Variants in TBCEL observed in about 807,000 individuals in gnomAD.
The protein encoded by TBCEL is tubulin-specific chaperone cofactor E-like protein.
A neutral mutation model predicts 44.2 loss-of-function variants in TBCEL; 15 were observed. The observed-to-expected ratio is 0.34, with a 90% CI of 0.23 to 0.52. The LOEUF (loss-of-function observed/expected upper bound fraction) is 0.52. Among genes scored for constraint, TBCEL ranks in the 20% least tolerant of loss-of-function variants. The pLI is 0.95. For missense variants in TBCEL, 319 were observed against 506.3 expected (o/e 0.63, Z 3.55); for synonymous variants, 171 against 185.4 (o/e 0.92, Z 0.63).
intron 8 of TBCEL, among the ~76,000 whole-genome samples, chr11:121,072,006 T>C (rs889237687): frequency 6.6e-6 from 1 of 152,140 alleles, no homozygotes; most frequent in Non-Finnish European, 1.5e-5. Context: ...ACTCCTCACA[T>C]TCAGCCGTGA....
At chr11:121,058,196 T>G (rs1205037530) in intron 6 of TBCEL, 149 bp from the exon 7 acceptor site, 2 of 940,284 alleles carry the variant, frequency 2.1e-6, no homozygotes, top group Non-Finnish European at 3.1e-6. Context: ...GTTCTGCTCT[T>G]GCCTTGGATG....
intron 8 of TBCEL, among the ~76,000 whole-genome samples, chr11:121,078,624 A>G (rs570346902): frequency 5.9e-5 from 9 of 152,192 alleles, no homozygotes; most frequent in African/African-American, 1.7e-4. Flanking sequence ...TCCTCATTTC[A>G]TGCACAGCCT....
At chr11:121,046,587 A>AT (rs529312538) in intron 3 of TBCEL, among the ~76,000 whole-genome samples, 5 of 150,090 alleles carry the variant, frequency 3.3e-5, no homozygotes, top group African/African-American at 7.3e-5. Flanking sequence ...TTACTTGGTA[A>AT]TTTTTTTTTT....
intron 6 of TBCEL, among the ~76,000 whole-genome samples, chr11:121,056,081 C>T (rs1945615133): frequency 1.3e-5 from 2 of 151,902 alleles, no homozygotes; most frequent in African/African-American, 4.8e-5. Context: ...CATGTATCCA[C>T]CATTGTAGTA....
At chr11:121,028,746 TAACA>T (rs1255652423) in intron 1 of TBCEL, among the ~76,000 whole-genome samples, 11 of 152,230 alleles carry the variant, frequency 7.2e-5, no homozygotes, top group African/African-American at 2.4e-4. Flanking sequence ...CAGTCATTGT[TAACA>T]AACAAATTGC....
chr11:121,050,244 A>T (rs2134934534), intron 4 of TBCEL, among the ~76,000 whole-genome samples: 1 of 151,822 alleles, frequency 6.6e-6, no homozygotes, highest in Non-Finnish European at 1.5e-5. Flanking sequence ...ACCCCATTAT[A>T]ACCCATATAT....
Position 121,053,470 on chromosome 11 carries a change from T to C in TBCEL, c.274-81T>C. ...AATGGCCCTTTGCCTGGAGACCAGC[T>C]CCTCTAGGCTTTCTTGAGCATGATT... On this transcript the variant is annotated intron_variant, in intron 4 of 8. Coordinates refer to ENST00000683345, the MANE Select transcript of TBCEL (RefSeq NM_001363644.2). 7.5e-6 allele frequency: 10 copies of C among 1,338,260 alleles called. No individual in the cohort carries two copies. The South Asian group carries it at 1.2e-4, about 16-fold the overall frequency. The allele number at this position is 1,338,260 out of a possible 1,614,324, so 82.9% of individuals were successfully genotyped here.
intron 7 of TBCEL, among the ~76,000 whole-genome samples, chr11:121,059,706 G>A (rs1379364749): frequency 6.6e-6 from 1 of 151,956 alleles, no homozygotes; most frequent in Non-Finnish European, 1.5e-5. Flanking sequence ...ATTAATGTAA[G>A]TTGGACAGTG....
chr11:121,057,371 T>C (rs1206357214), intron 6 of TBCEL: 1 of 291,738 alleles, frequency 3.4e-6, no homozygotes, highest in African/African-American at 2.2e-5. Flanking sequence ...GACTTAGAAG[T>C]CAAGTATTGA....
At chr11:121,067,333 A>G (rs976914382) in intron 8 of TBCEL, among the ~76,000 whole-genome samples, 1 of 152,192 alleles carries the variant, frequency 6.6e-6, no homozygotes, top group Non-Finnish European at 1.5e-5. Context: ...TTGAATTTTT[A>G]TGATGAAAAG....
At chr11:121,073,423 T>C (rs980099804) in intron 8 of TBCEL, among the ~76,000 whole-genome samples, 1 of 151,952 alleles carries the variant, frequency 6.6e-6, no homozygotes, top group African/African-American at 2.4e-5. Context: ...GTGAAATCAT[T>C]TTTTCTGTTA....
intron 3 of TBCEL, 90 bp downstream of exon 3, chr11:121,045,913 T>TTA: frequency 7.6e-7 from 1 of 1,309,808 alleles, no homozygotes; most frequent in Non-Finnish European, 1.0e-6. Context: ...ATGATTTATT[T>TTA]TATTTTTAAT....
chr11:121,025,740 T>TTTTGTTGG, intron 1 of TBCEL, among the ~76,000 whole-genome samples: 1 of 151,950 alleles, frequency 6.6e-6, no homozygotes. Context: ...TATTTTATTT[T>TTTTGTTGG]GGCCGGGGGA....
At chr11:121,061,563 A>G (rs1185349146) in intron 8 of TBCEL, among the ~76,000 whole-genome samples, 1 of 152,086 alleles carries the variant, frequency 6.6e-6, no homozygotes, top group African/African-American at 2.4e-5. Context: ...CCTAGGCTAT[A>G]TGGTACAGCC....
chr11:121,046,093 G>A (rs920001898), intron 3 of TBCEL, among the ~76,000 whole-genome samples: 2 of 151,978 alleles, frequency 1.3e-5, no homozygotes, highest in African/African-American at 4.8e-5. Flanking sequence ...AACATAGAGG[G>A]TACAAAACAG....
intron 8 of TBCEL, among the ~76,000 whole-genome samples, chr11:121,061,147 G>C (rs1044687558): frequency 6.6e-5 from 10 of 151,878 alleles, no homozygotes; most frequent in African/African-American, 2.4e-4. Flanking sequence ...AACTAGGTAG[G>C]GGAAAATAGA....
At chr11:121,042,787 C>T (rs1945357331) in intron 2 of TBCEL, among the ~76,000 whole-genome samples, 1 of 152,060 alleles carries the variant, frequency 6.6e-6, no homozygotes, top group East Asian at 1.9e-4. Flanking sequence ...TTAACAACCA[C>T]TTTTATATTC....
chr11:121,038,116 T>G (rs572754041), intron 2 of TBCEL, among the ~76,000 whole-genome samples: 1 of 152,010 alleles, frequency 6.6e-6, no homozygotes, highest in African/African-American at 2.4e-5. Flanking sequence ...CGTGCCACCA[T>G]ACCCGGCTAA....
chr11:121,044,727 A>T (rs1945398355), intron 2 of TBCEL, among the ~76,000 whole-genome samples: 2 of 152,222 alleles, frequency 1.3e-5, no homozygotes, highest in African/African-American at 4.8e-5. Context: ...TAATGTATGC[A>T]TGAGTCCTTC....
Sources: allele counts gnomAD v4.1 joint callset (sites outside exome capture counted in the v4.1 genomes callset), GRCh38; gene constraint gnomAD v4.1.1; transcripts MANE v1.5; gene names NCBI Gene and HGNC (gene_info 2026-07-23, HGNC 2026-07-21).